Variants in AFF1 observed in about 807,000 individuals in gnomAD.
The protein encoded by AFF1 is AF4/FMR2 family member 1.
AFF1 carries 48 observed loss-of-function variants against 121.7 expected under a neutral mutation model. The ratio of observed to expected loss-of-function variants is 0.39; its 90% CI spans 0.31 to 0.50. AFF1 has a LOEUF of 0.50. AFF1 is among the 20% of genes least tolerant of loss of function. The pLI is 0.76. For synonymous variants in AFF1, 613 were observed against 563.0 expected (o/e 1.09, Z -1.26); for missense variants, 1,523 against 1,511.7 (o/e 1.01, Z -0.12).
At chr4:87,036,498 A>G (rs558844407) in intron 2 of AFF1, among the ~76,000 whole-genome samples, 17 of 152,236 alleles carry the variant, frequency 1.1e-4, no homozygotes, top group African/African-American at 3.9e-4. Context: ...TGTTTGGAAG[A>G]TGAGAGGCTT....
chr4:87,087,041 C>T (rs1161143093), intron 5 of AFF1, among the ~76,000 whole-genome samples: 1 of 152,158 alleles, frequency 6.6e-6, no homozygotes, highest in Non-Finnish European at 1.5e-5. Flanking sequence ...GAAAGGGCAA[C>T]ATGCCCTTGG....
intron 6 of AFF1, among the ~76,000 whole-genome samples, chr4:87,091,255 T>C (rs1355596716): frequency 6.6e-6 from 1 of 151,866 alleles, no homozygotes; most frequent in African/African-American, 2.4e-5. Context: ...ATACAAAAAT[T>C]AGCTGGGTGT....
chr4:87,061,426 A>C (rs1018442524), intron 4 of AFF1, among the ~76,000 whole-genome samples: 10 of 152,212 alleles, frequency 6.6e-5, no homozygotes, highest in Non-Finnish European at 1.3e-4. Flanking sequence ...GCATCTCTCA[A>C]TCTCTTACTC....
At chr4:87,124,961 T>C in intron 12 of AFF1, 76 bp from the exon 13 acceptor site, 1 of 1,301,844 alleles carries the variant, frequency 7.7e-7, no homozygotes, top group Non-Finnish European at 1.0e-6. Flanking sequence ...CTCTTTGCCT[T>C]TTCTATATTT....
chr4:87,038,399 G>A (rs1273317738), intron 2 of AFF1, among the ~76,000 whole-genome samples: 1 of 152,134 alleles, frequency 6.6e-6, no homozygotes, highest in Non-Finnish European at 1.5e-5. Context: ...AATTGTATTT[G>A]GAAGTCAAAC....
intron 4 of AFF1, among the ~76,000 whole-genome samples, chr4:87,059,478 C>T (rs985567591): frequency 7.9e-5 from 12 of 152,200 alleles, no homozygotes; most frequent in East Asian, 3.9e-4. Flanking sequence ...GGATTTTTAC[C>T]GTCTTTCTTG....
At chr4:87,000,796 C>T (rs1725647549) in intron 2 of AFF1, among the ~76,000 whole-genome samples, 1 of 151,742 alleles carries the variant, frequency 6.6e-6, no homozygotes, top group African/African-American at 2.4e-5. Flanking sequence ...AAACTGTAGA[C>T]CAGATCAGGT....
intron 2 of AFF1, among the ~76,000 whole-genome samples, chr4:87,020,482 T>C (rs1344242752): frequency 6.6e-6 from 1 of 151,960 alleles, no homozygotes; most frequent in Non-Finnish European, 1.5e-5. Flanking sequence ...TGCCATGTTT[T>C]TGTTTTGTTT....
At chr4:87,083,151 C>T (rs1376526527) in intron 4 of AFF1, among the ~76,000 whole-genome samples, 1 of 152,128 alleles carries the variant, frequency 6.6e-6, no homozygotes, top group Non-Finnish European at 1.5e-5. Flanking sequence ...TTTAACTTTG[C>T]CTACTTTCTT....
intron 2 of AFF1, among the ~76,000 whole-genome samples, chr4:87,035,944 G>C (rs149104967): frequency 3.3e-5 from 5 of 152,276 alleles, no homozygotes; most frequent in African/African-American, 1.2e-4. Flanking sequence ...TTATTTTGCA[G>C]GTATGAGATG....
At chr4:87,011,533 T>G (rs893174987) in intron 2 of AFF1, among the ~76,000 whole-genome samples, 12 of 152,120 alleles carry the variant, frequency 7.9e-5, no homozygotes, top group African/African-American at 2.7e-4. Flanking sequence ...TGGAAGAAAA[T>G]TCATGAATGC....
rs1420115011 is a variant in AFF1 at position 87,134,497 on chromosome 4, C to T, written c.3338C>T (p.Ser1113Phe). The change falls in exon 20 of 21, where the codon TCC (serine) becomes TTC (phenylalanine). Residue 1113 changes from serine (S) to phenylalanine (F), a missense_variant. This residue lies in a region of AFF1 where 241 missense variants were observed against 265.2 expected (regional missense o/e 0.91). Coordinates refer to ENST00000395146, the MANE Select transcript of AFF1 (RefSeq NM_001166693.3). ...AGCACAGGCACACCATCCCCTCTTTCCCCAATGCCTTCTCCTGCCAGCTCC... is the reference window on the plus strand; with the variant it reads ...AGCACAGGCACACCATCCCCTCTTTTCCCAATGCCTTCTCCTGCCAGCTCC... ...ARSTGTPSPL[S>F]PMPSPASSVG... is the part of the protein sequence containing the mutation. The T allele has an allele frequency of 1.4e-5, 22 of 1,608,848 alleles. No individual in the cohort carries two copies. The highest frequency in any genetic ancestry group is 2.2e-5 in the East Asian group (1 of 44,848).
intron 2 of AFF1, among the ~76,000 whole-genome samples, chr4:87,015,580 T>A (rs1022462501): frequency 3.3e-5 from 5 of 152,244 alleles, no homozygotes; most frequent in Admixed American, 2.0e-4. Context: ...GGCAGTTAGA[T>A]TGAATTTGAT....
intron 2 of AFF1, chr4:86,949,743 C>T (rs1329276163): frequency 1.2e-6 from 2 of 1,608,258 alleles, no homozygotes; most frequent in African/African-American, 2.7e-5. Flanking sequence ...CGGTGCTTGC[C>T]CTTGGCCCAG....
chr4:86,961,348 CT>C (rs1722128798), intron 2 of AFF1, among the ~76,000 whole-genome samples: 1 of 152,220 alleles, frequency 6.6e-6, no homozygotes, highest in Admixed American at 6.5e-5. Context: ...TCCCTGTTCC[CT>C]TTTTGTCTTT....
At chr4:86,999,867 C>G (rs949990693) in intron 2 of AFF1, among the ~76,000 whole-genome samples, 1 of 152,066 alleles carries the variant, frequency 6.6e-6, no homozygotes, top group Non-Finnish European at 1.5e-5. Flanking sequence ...GTAGCGTTTA[C>G]AGAGAAGAAA....
intron 6 of AFF1, among the ~76,000 whole-genome samples, chr4:87,090,633 A>G (rs1168763347): frequency 6.6e-6 from 1 of 152,102 alleles, no homozygotes; most frequent in Non-Finnish European, 1.5e-5. Context: ...GTTTTGTTCA[A>G]TCTGATATGC....
intron 4 of AFF1, among the ~76,000 whole-genome samples, chr4:87,051,780 A>T (rs1333604938): frequency 6.6e-6 from 1 of 152,134 alleles, no homozygotes; most frequent in African/African-American, 2.4e-5. Context: ...ACAAACTGAT[A>T]TTAACCCTCC....
intron 2 of AFF1, among the ~76,000 whole-genome samples, chr4:86,983,464 G>C (rs981491498): frequency 6.6e-6 from 1 of 152,074 alleles, no homozygotes; most frequent in South Asian, 2.1e-4. Flanking sequence ...AGGAGGCAGA[G>C]GTTGCAGTGT....
Sources: gnomAD v4.1 joint callset for allele counts (sites outside exome capture counted in the v4.1 genomes callset) on GRCh38, gnomAD v4.1.1 for gene constraint, gnomAD v4.1.1 regional missense constraint, MANE v1.5 for transcripts, NCBI Gene and HGNC (gene_info 2026-07-23, HGNC 2026-07-21) for gene names.